The following CDH23 variants were observed in gnomAD, a reference collection of about 807,000 sequenced individuals.
The protein encoded by CDH23 is cadherin-23.
Under a neutral mutation model 317.1 loss-of-function variants are expected in CDH23, and 189 were observed. The observed-to-expected ratio is 0.60, with a 90% CI of 0.53 to 0.67. CDH23 has a LOEUF of 0.67. Among genes scored for constraint, CDH23 ranks in the 30% least tolerant of loss-of-function variants. CDH23 has a pLI of 0.00. For missense variants in CDH23, 4,401 were observed against 4,592.4 expected, an observed-to-expected ratio of 0.96 and a Z score of 1.20; for synonymous variants, 1,839 against 1,876.8, an observed-to-expected ratio of 0.98 and a Z score of 0.52.
intron 14 of CDH23, among the ~76,000 whole-genome samples, chr10:71,661,801 T>C (rs1235531255): frequency 1.9e-5 from 1 of 53,918 alleles, no homozygotes; most frequent in Non-Finnish European, 3.5e-5. Context: ...GCGCGCCCCC[T>C]CCCACCCTGC....
intron 32 of CDH23, chr10:71,732,652 A>G (rs985307736): frequency 1.2e-4 from 162 of 1,388,708 alleles, no homozygotes; most frequent in Non-Finnish European, 1.4e-4. Flanking sequence ...AACAAAAAAA[A>G]GTCCCCGAGA....
intron 6 of CDH23, among the ~76,000 whole-genome samples, chr10:71,515,388 T>TCA (rs761746436): frequency 1.0e-4 from 12 of 117,762 alleles, no homozygotes; most frequent in African/African-American, 4.6e-4. Flanking sequence ...TCTCTCTCTC[T>TCA]CTCTCTCACA....
intron 27 of CDH23, 197 bp from the exon 28 acceptor site, chr10:71,712,468 C>T (rs1866011639): frequency 5.1e-6 from 3 of 588,170 alleles, no homozygotes; most frequent in Admixed American, 3.0e-5. Flanking sequence ...GAATGGCTGG[C>T]ACATGGTGTT....
chr10:71,638,999 C>G (rs1461135436), intron 11 of CDH23, among the ~76,000 whole-genome samples: 1 of 152,166 alleles, frequency 6.6e-6, no homozygotes, highest in African/African-American at 2.4e-5. Context: ...AGTGCAGGAG[C>G]TACACGGGGA....
At chr10:71,730,016 A>G (rs1170826423) in intron 30 of CDH23, among the ~76,000 whole-genome samples, 1 of 151,924 alleles carries the variant, frequency 6.6e-6, no homozygotes, top group African/African-American at 2.4e-5. Context: ...TTGTATTTTT[A>G]GTAGAGATGG....
chr10:71,786,102 A>G (rs1841098864), intron 44 of CDH23, among the ~76,000 whole-genome samples: 1 of 152,192 alleles, frequency 6.6e-6, no homozygotes, highest in South Asian at 2.1e-4. Flanking sequence ...CACACACTGC[A>G]TTTGTGCATG....
At chr10:71,400,387 G>A (rs78921389) in intron 1 of CDH23, among the ~76,000 whole-genome samples, 2 of 151,586 alleles carry the variant, frequency 1.3e-5, no homozygotes, top group Non-Finnish European at 2.9e-5. Flanking sequence ...AGAGAGGGCA[G>A]CTCTGCCAGG....
chr10:71,636,889 T>A (rs57888734), intron 11 of CDH23, among the ~76,000 whole-genome samples: 1 of 152,252 alleles, frequency 6.6e-6, no homozygotes, highest in African/African-American at 2.4e-5. Context: ...CCACCCACCA[T>A]GTGACATGGG....
intron 36 of CDH23, 80 bp downstream of exon 36, chr10:71,739,852 C>T (rs1281650966): frequency 9.0e-6 from 13 of 1,447,696 alleles, no homozygotes; most frequent in Non-Finnish European, 7.4e-6. Flanking sequence ...CAGGAGAGAG[C>T]CTGTCCATCA....
At chr10:71,781,961 C>T (rs1373516994) in intron 41 of CDH23, among the ~76,000 whole-genome samples, 5 of 152,174 alleles carry the variant, frequency 3.3e-5, no homozygotes, top group East Asian at 3.9e-4. Context: ...GAAGGGTTGA[C>T]GGATGCTACA....
intron 38 of CDH23, among the ~76,000 whole-genome samples, chr10:71,753,621 G>A (rs912457635): frequency 3.9e-5 from 6 of 152,284 alleles, no homozygotes; most frequent in African/African-American, 9.6e-5. Context: ...AGTTGCTGCC[G>A]CTTGCCTCAG....
intron 34 of CDH23, chr10:71,737,664 G>A: frequency 4.3e-6 from 2 of 467,852 alleles, no homozygotes; most frequent in South Asian, 3.1e-5. Flanking sequence ...GGCCTGTCCT[G>A]GGATACCTAA....
At position 71,617,913 on chromosome 10, in the gene CDH23, A is replaced by G. The variant is rs1861277624; in HGVS notation, c.1134+520A>G. On this transcript the variant is annotated intron_variant, in intron 11 of 69. Transcript: ENST00000224721. The stretch of plus-strand genomic sequence containing the variant: ...AGGCTGAGGCAGGAGAATTGCTTGA[A>G]GCTGGGAGGTGGAGGTTGCAGTGAG... 4.6e-5 allele frequency among the ~76,000 whole-genome samples: 7 copies of G among 152,080 alleles called. No individual in the cohort carries two copies. The South Asian group carries it at 1.5e-3, about 32-fold the overall frequency.
At chr10:71,730,958 C>T (rs543021659) in intron 31 of CDH23, among the ~76,000 whole-genome samples, 1 of 152,360 alleles carries the variant, frequency 6.6e-6, no homozygotes, top group South Asian at 2.1e-4. Context: ...CTGGCTGCGG[C>T]CTGGCCTGCT....
intron 14 of CDH23, among the ~76,000 whole-genome samples, chr10:71,656,731 G>A (rs1863433503): frequency 6.6e-6 from 1 of 152,182 alleles, no homozygotes; most frequent in Non-Finnish European, 1.5e-5. Context: ...ATGCAGGAAA[G>A]AGTAGCCCAG....
intron 27 of CDH23, 96 bp downstream of exon 27, chr10:71,709,307 T>C: frequency 9.5e-7 from 1 of 1,055,816 alleles, no homozygotes; most frequent in Non-Finnish European, 1.4e-6. Flanking sequence ...GGCTGAACTC[T>C]GCCCAGATGC....
At chr10:71,601,257 C>T (rs1589252005) in intron 9 of CDH23, among the ~76,000 whole-genome samples, 2 of 152,174 alleles carry the variant, frequency 1.3e-5, no homozygotes, top group South Asian at 2.1e-4. Context: ...AATCTCAGTG[C>T]GACCACTTAC....
intron 27 of CDH23, chr10:71,712,082 T>C (rs1228018426): frequency 6.5e-6 from 1 of 153,472 alleles, no homozygotes; most frequent in Non-Finnish European, 1.5e-5. Context: ...CGTCCCAGTT[T>C]CTGGAGTCGC....
intron 28 of CDH23, chr10:71,717,191 A>G (rs971331364): frequency 6.6e-6 from 1 of 152,294 alleles, no homozygotes; most frequent in African/African-American, 2.4e-5. Context: ...GTGACAAGCC[A>G]GAGCTCACTC....
Sources: allele counts gnomAD v4.1 joint callset (sites outside exome capture counted in the v4.1 genomes callset), GRCh38; gene constraint gnomAD v4.1.1; transcripts MANE v1.5; gene names NCBI Gene and HGNC (gene_info 2026-07-23, HGNC 2026-07-21).